Variants in DNM3 observed in about 807,000 individuals in gnomAD.
The protein encoded by DNM3 is dynamin 3, also known as dynamin-3.
A neutral mutation model predicts 101.6 loss-of-function variants in DNM3; 47 were observed. That is an observed-to-expected ratio of 0.46 (90% CI 0.37 to 0.59). The LOEUF (loss-of-function observed/expected upper bound fraction) is 0.59, where lower values mean the gene tolerates loss of function less well. Among genes scored for constraint, DNM3 ranks in the 20% least tolerant of loss-of-function variants. The pLI is 0.00. For missense variants in DNM3, 849 were observed against 1,085.7 expected, an observed-to-expected ratio of 0.78 and a Z score of 3.06; for synonymous variants, 385 against 387.9, an observed-to-expected ratio of 0.99 and a Z score of 0.09.
At chr1:171,943,713 G>A (rs1211418737) in intron 2 of DNM3, among the ~76,000 whole-genome samples, 2 of 152,150 alleles carry the variant, frequency 1.3e-5, no homozygotes, top group Non-Finnish European at 2.9e-5. Context: ...TCCTGAAATT[G>A]TATAAATCAT....
chr1:172,030,845 C>T (rs2048550793), intron 4 of DNM3, among the ~76,000 whole-genome samples: 1 of 152,136 alleles, frequency 6.6e-6, no homozygotes, highest in Non-Finnish European at 1.5e-5. Context: ...ATCAAAACCA[C>T]AATGAGATAC....
At chr1:172,079,995 G>A (rs574051408) in intron 11 of DNM3, among the ~76,000 whole-genome samples, 101 of 152,320 alleles carry the variant, frequency 6.6e-4, no homozygotes, top group African/African-American at 2.3e-3. Flanking sequence ...TCCTCTGGAA[G>A]CTTTGTCCCA....
At chr1:172,170,505 AAATAGG>A (rs1397884905) in intron 14 of DNM3, among the ~76,000 whole-genome samples, 2 of 151,874 alleles carry the variant, frequency 1.3e-5, no homozygotes, top group African/African-American at 4.8e-5. Context: ...ATGTGAATGA[AAATAGG>A]ATTAAATGAG....
rs1238786600 is a variant in DNM3 at position 171,944,126 on chromosome 1, A to C, written c.235+22305A>C. ...TGAAAGCAGCCACAGACAATATATAAATGAATGGGTCTGGCTTTGTTCCAA... is the reference window on the plus strand; with the variant it reads ...TGAAAGCAGCCACAGACAATATATACATGAATGGGTCTGGCTTTGTTCCAA... On this transcript the variant is annotated intron_variant, in intron 2 of 20. Transcript: ENST00000627582. Among the ~76,000 whole-genome samples the C allele has an allele frequency of 2.0e-5, 3 of 152,170 alleles. No individual in the cohort carries two copies. The East Asian group carries it at 5.8e-4, about 29-fold the overall frequency.
rs150933255 is a variant in DNM3, at chr1:172,367,774, A to C, written c.1894-11244A>C. Reference sequence around the variant, plus strand: ...ATATATTCCATACAAACAGAAACCCAAAATGAGCAGGAGTACTGCTATGGT... The same window carrying C: ...ATATATTCCATACAAACAGAAACCCCAAATGAGCAGGAGTACTGCTATGGT... On this transcript the variant is annotated intron_variant, in intron 17 of 20. Coordinates refer to ENST00000627582, the MANE Select transcript of DNM3 (RefSeq NM_015569.5). 1.5e-3 allele frequency among the ~76,000 whole-genome samples: 221 copies of C among 151,990 alleles called. 1 individual carries two copies. The highest frequency in any genetic ancestry group is 5.2e-3 in the African/African-American group (215 of 41,522).
At chr1:171,891,362 G>C (rs1214615670) in intron 1 of DNM3, among the ~76,000 whole-genome samples, 1 of 147,734 alleles carries the variant, frequency 6.8e-6, no homozygotes, top group Non-Finnish European at 1.5e-5. Flanking sequence ...AAAAAAAACA[G>C]AAAAATTACA....
chr1:172,280,052 G>T (rs192538385), intron 15 of DNM3, among the ~76,000 whole-genome samples: 27 of 152,150 alleles, frequency 1.8e-4, no homozygotes, highest in Non-Finnish European at 3.7e-4. Flanking sequence ...TCTCCGCATT[G>T]TTCACCCTGC....
At chr1:171,851,600 G>A (rs1426108619) in intron 1 of DNM3, among the ~76,000 whole-genome samples, 1 of 152,206 alleles carries the variant, frequency 6.6e-6, no homozygotes, top group African/African-American at 2.4e-5. Flanking sequence ...TTTTAGTAGA[G>A]ACGGGGTTTC....
intron 1 of DNM3, among the ~76,000 whole-genome samples, chr1:171,857,966 G>A (rs1314803755): frequency 6.6e-6 from 1 of 152,156 alleles, no homozygotes; most frequent in Non-Finnish European, 1.5e-5. Context: ...GATACAGAGA[G>A]AAGGCAACCA....
intron 15 of DNM3, among the ~76,000 whole-genome samples, chr1:172,283,780 A>AGAAAG (rs1287211067): frequency 4.2e-5 from 5 of 119,112 alleles, no homozygotes; most frequent in South Asian, 2.8e-4. Flanking sequence ...AAAAAAAAAA[A>AGAAAG]AAAGAAAGAA....
intron 4 of DNM3, among the ~76,000 whole-genome samples, chr1:172,030,235 G>T (rs969762820): frequency 6.6e-6 from 1 of 152,000 alleles, no homozygotes. Context: ...CAGAACAGAG[G>T]CCTCAGAAAT....
Position 172,269,206 on chromosome 1 carries a change from A to G in DNM3, c.1769+15524A>G, listed in dbSNP as rs1345281682. ...GTTGATGAATGAGCCCAACACGGCTATGTAAAGTTCAAGAACAAAAAGAAA... is the reference window on the plus strand; with the variant it reads ...GTTGATGAATGAGCCCAACACGGCTGTGTAAAGTTCAAGAACAAAAAGAAA... On this transcript the variant is annotated intron_variant, in intron 15 of 20. Transcript: ENST00000627582. Among the ~76,000 whole-genome samples, 5 of 152,338 alleles carry G rather than the reference A, an allele frequency of 3.3e-5. No individual in the cohort carries two copies. The East Asian group carries it at 5.8e-4, about 18-fold the overall frequency.
At chr1:171,916,412 G>A (rs954169116) in intron 1 of DNM3, among the ~76,000 whole-genome samples, 6 of 152,190 alleles carry the variant, frequency 3.9e-5, no homozygotes, top group Admixed American at 2.0e-4. Context: ...GTCCTGGTTA[G>A]TGATACCATT....
At chr1:171,902,628 T>TA (rs57373921) in intron 1 of DNM3, among the ~76,000 whole-genome samples, 25 of 152,096 alleles carry the variant, frequency 1.6e-4, no homozygotes, top group African/African-American at 5.3e-4. Flanking sequence ...TTTTTTTTTT[T>TA]AAACTAACAT....
chr1:172,374,187 C>G (rs1279914867), intron 17 of DNM3, among the ~76,000 whole-genome samples: 2 of 152,020 alleles, frequency 1.3e-5, no homozygotes, highest in Non-Finnish European at 2.9e-5. Flanking sequence ...TTCATCTTTC[C>G]TTTCAACAAA....
At chr1:172,162,362 C>T (rs1041470477) in intron 14 of DNM3, among the ~76,000 whole-genome samples, 1 of 151,944 alleles carries the variant, frequency 6.6e-6, no homozygotes, top group Non-Finnish European at 1.5e-5. Context: ...TGGGTCAAAT[C>T]ATACACATAA....
chr1:172,171,252 T>C (rs1270085926), intron 14 of DNM3, among the ~76,000 whole-genome samples: 2 of 151,834 alleles, frequency 1.3e-5, no homozygotes, highest in African/African-American at 4.8e-5. Context: ...CTATATTACC[T>C]TCTTTATTCA....
At chr1:172,191,752 C>A (rs1339026413) in intron 14 of DNM3, among the ~76,000 whole-genome samples, 1 of 152,018 alleles carries the variant, frequency 6.6e-6, no homozygotes, top group African/African-American at 2.4e-5. Context: ...AGTTGGATTC[C>A]TAGGTATTTT....
intron 17 of DNM3, among the ~76,000 whole-genome samples, chr1:172,330,006 C>A (rs908390936): frequency 2.6e-5 from 4 of 152,126 alleles, no homozygotes; most frequent in Non-Finnish European, 4.4e-5. Flanking sequence ...ACGAGGAAGC[C>A]GTCCTCCTTG....
Sources: allele counts gnomAD v4.1 joint callset (sites outside exome capture counted in the v4.1 genomes callset), GRCh38; gene constraint gnomAD v4.1.1; transcripts MANE v1.5; gene names NCBI Gene and HGNC (gene_info 2026-07-23, HGNC 2026-07-21).